Variants in RABGAP1L observed in about 807,000 individuals in gnomAD.
RABGAP1L encodes the protein rab GTPase-activating protein 1-like.
A neutral mutation model predicts 137.7 loss-of-function variants in RABGAP1L; 63 were observed. That is an observed-to-expected ratio of 0.46 (90% CI 0.37 to 0.56). RABGAP1L has a LOEUF of 0.56. Ranked by LOEUF, RABGAP1L falls within the 20% of genes least tolerant of loss-of-function variation. RABGAP1L has a pLI of 0.00. For synonymous variants in RABGAP1L, 431 were observed against 433.7 expected, an observed-to-expected ratio of 0.99 and a Z score of 0.08; for missense variants, 1,095 against 1,244.0, an observed-to-expected ratio of 0.88 and a Z score of 1.80.
intron 19 of RABGAP1L, among the ~76,000 whole-genome samples, chr1:174,921,186 G>T (rs1661732556): frequency 6.6e-6 from 1 of 152,118 alleles, no homozygotes; most frequent in African/African-American, 2.4e-5. Flanking sequence ...GCCTCCCAGT[G>T]TGCTGGGATT....
In RABGAP1L at chr1:174,322,136, C is replaced by T. The variant is rs144248660; in HGVS notation, c.1465+17009C>T. ...CCTTTATGATTTATATCTTTTGTGT[C>T]GTAATAAATCCTTGCCTAACTCAAT... On this transcript the variant is annotated intron_variant, in intron 11 of 25. Coordinates refer to ENST00000681986, the MANE Select transcript of RABGAP1L (RefSeq NM_001366446.1). Among the ~76,000 whole-genome samples the T allele has an allele frequency of 4.9e-3, 744 of 152,064 alleles. 1 individual carries two copies. The highest frequency in any genetic ancestry group is 0.01 in the Middle Eastern group (3 of 294).
chr1:174,690,409 ACTT>A (rs1317060496), intron 15 of RABGAP1L, among the ~76,000 whole-genome samples: 2 of 152,178 alleles, frequency 1.3e-5, no homozygotes, highest in Non-Finnish European at 1.5e-5. Flanking sequence ...AAGTCATTTA[ACTT>A]CTTTGAACTT....
intron 14 of RABGAP1L, among the ~76,000 whole-genome samples, chr1:174,652,646 T>G (rs1477481889): frequency 6.6e-6 from 1 of 152,206 alleles, no homozygotes; most frequent in East Asian, 1.9e-4. Context: ...ACAGCAAGAT[T>G]GCTTCCTGTT....
At chr1:174,370,342 C>T (rs1344626024) in intron 11 of RABGAP1L, among the ~76,000 whole-genome samples, 1 of 151,914 alleles carries the variant, frequency 6.6e-6, no homozygotes, top group Non-Finnish European at 1.5e-5. Context: ...TCGTTTTCAC[C>T]ACCGATTATA....
chr1:174,439,462 G>A (rs562360549), intron 13 of RABGAP1L, among the ~76,000 whole-genome samples: 1 of 152,270 alleles, frequency 6.6e-6, no homozygotes, highest in East Asian at 1.9e-4. Flanking sequence ...TACATTTAAA[G>A]TGCATTGGTA....
chr1:174,256,902 T>G (rs1183223374), intron 7 of RABGAP1L, among the ~76,000 whole-genome samples: 1 of 152,236 alleles, frequency 6.6e-6, no homozygotes, highest in Non-Finnish European at 1.5e-5. Flanking sequence ...CTATGATGAT[T>G]GCAAAATGAT....
At chr1:174,376,276 A>G (rs1244709029) in intron 12 of RABGAP1L, among the ~76,000 whole-genome samples, 1 of 152,144 alleles carries the variant, frequency 6.6e-6, no homozygotes, top group Non-Finnish European at 1.5e-5. Context: ...AGGAAAAAAT[A>G]TATAAATTCT....
chr1:174,681,708 T>C (rs370286779), intron 14 of RABGAP1L, among the ~76,000 whole-genome samples: 16 of 151,926 alleles, frequency 1.1e-4, no homozygotes, highest in African/African-American at 3.9e-4. Context: ...ATCAATAAAG[T>C]TTATGTTTTT....
chr1:174,159,520 A>T lies in RABGAP1L; in HGVS notation c.-171A>T, dbSNP rs1385653189. On this transcript the variant is annotated 5_prime_UTR_variant, in exon 1 of 26. Coordinates refer to ENST00000681986, the MANE Select transcript of RABGAP1L (RefSeq NM_001366446.1). The stretch of plus-strand genomic sequence containing the variant: ...GGCGGCCCTTCTCCCCTCCCCTCTC[A>T]GTTCCCTCCGCCCTCCTCGGGCTCC... The T allele has an allele frequency of 6.8e-6, 1 of 147,382 alleles. No homozygotes were observed. Among genetic ancestry groups the T allele is most frequent in the African/African-American group, 2.5e-5 (1 of 40,346 alleles). The allele number at this position is 147,382 out of a possible 1,614,324, so 9.1% of individuals were successfully genotyped here.
intron 4 of RABGAP1L, 45 bp downstream of exon 4, chr1:174,231,400 G>A (rs775958041): frequency 3.2e-6 from 5 of 1,546,300 alleles, no homozygotes; most frequent in African/African-American, 2.7e-5. Flanking sequence ...TAAGTCTTTT[G>A]GGTGGTGGTG....
At chr1:174,703,100 A>C (rs990033411) in intron 17 of RABGAP1L, among the ~76,000 whole-genome samples, 6 of 152,192 alleles carry the variant, frequency 3.9e-5, no homozygotes, top group African/African-American at 1.2e-4. Flanking sequence ...ATGCTTCTTA[A>C]GGTAAACATC....
At chr1:174,875,344 G>C (rs138565719) in intron 19 of RABGAP1L, among the ~76,000 whole-genome samples, 1 of 152,280 alleles carries the variant, frequency 6.6e-6, no homozygotes, top group Admixed American at 6.5e-5. Flanking sequence ...TGGGTTATAA[G>C]GGTTCTTCGT....
intron 1 of RABGAP1L, among the ~76,000 whole-genome samples, chr1:174,182,252 A>G (rs1666436710): frequency 6.6e-6 from 1 of 152,212 alleles, no homozygotes; most frequent in Non-Finnish European, 1.5e-5. Flanking sequence ...AAAATGAAAT[A>G]TGCATTAAGG....
chr1:174,883,976 G>A (rs1654673587), intron 19 of RABGAP1L, among the ~76,000 whole-genome samples: 1 of 152,174 alleles, frequency 6.6e-6, no homozygotes, highest in African/African-American at 2.4e-5. Context: ...TTGGGAATGG[G>A]AAAGTTAGGT....
At chr1:174,500,630 A>G (rs1041574907) in intron 13 of RABGAP1L, among the ~76,000 whole-genome samples, 1 of 152,214 alleles carries the variant, frequency 6.6e-6, no homozygotes, top group African/African-American at 2.4e-5. Flanking sequence ...AATACAGTTA[A>G]ACGAAAACAA....
At chr1:174,907,578 G>T (rs1025302081) in intron 19 of RABGAP1L, among the ~76,000 whole-genome samples, 12 of 152,066 alleles carry the variant, frequency 7.9e-5, no homozygotes, top group African/African-American at 2.9e-4. Context: ...GCCTCCCAAA[G>T]TGCTGGGATT....
At chr1:174,615,474 G>C (rs563653587) in intron 13 of RABGAP1L, among the ~76,000 whole-genome samples, 2 of 152,128 alleles carry the variant, frequency 1.3e-5, no homozygotes, top group Admixed American at 6.5e-5. Flanking sequence ...GTCAGGTGTC[G>C]GTCTGCCCCT....
At chr1:174,411,212 A>G (rs935906241) in intron 13 of RABGAP1L, among the ~76,000 whole-genome samples, 1 of 151,952 alleles carries the variant, frequency 6.6e-6, no homozygotes, top group South Asian at 2.1e-4. Flanking sequence ...CTTCTTTTCC[A>G]ATTTGGATGC....
chr1:174,783,066 C>T (rs528944877), intron 18 of RABGAP1L, among the ~76,000 whole-genome samples: 13 of 152,254 alleles, frequency 8.5e-5, no homozygotes, highest in Admixed American at 3.3e-4. Context: ...AGCTTTTGCT[C>T]ACCGTTCATC....
Sources: allele counts gnomAD v4.1 joint callset (sites outside exome capture counted in the v4.1 genomes callset), GRCh38; gene constraint gnomAD v4.1.1; transcripts MANE v1.5; gene names NCBI Gene and HGNC (gene_info 2026-07-23, HGNC 2026-07-21).